LRRC9: variants seen among roughly 807,000 people sequenced by gnomAD.
LRRC9 encodes the protein leucine-rich repeat-containing protein 9.
Under a neutral mutation model 63.2 loss-of-function variants are expected in LRRC9, and 122 were observed. That is an observed-to-expected ratio of 1.93 (90% CI 1.67 to 2.24). LRRC9 has a LOEUF of 2.24. LRRC9 is among the 30% of genes most tolerant of loss of function. LRRC9 has a pLI of 0.00. For missense variants in LRRC9, 1,071 were observed against 627.7 expected (o/e 1.71, Z -7.55); for synonymous variants, 366 against 213.1 (o/e 1.72, Z -6.25).
chr14:60,002,844 A>G (rs964703360), intron 20 of LRRC9, among the ~76,000 whole-genome samples: 1 of 152,152 alleles, frequency 6.6e-6, no homozygotes, highest in Non-Finnish European at 1.5e-5. Flanking sequence ...TTCTGATAAC[A>G]TGTCAGAATA....
rs1199444543 is a variant in LRRC9, at chr14:60,060,556, C to T, written c.4276+2534C>T. 3.9e-5 allele frequency among the ~76,000 whole-genome samples: 6 copies of T among 151,908 alleles called. No homozygotes were observed. The highest frequency in any genetic ancestry group is 4.2e-4 in the South Asian group (2 of 4,814). On this transcript the variant is annotated intron_variant, in intron 31 of 31. Coordinates refer to ENST00000445360, the Ensembl canonical transcript of LRRC9. This position sits in a 1 kb window ranked among gnomAD's most constrained non-coding sequence, Gnocchi z 4.0. The stretch of plus-strand genomic sequence containing the variant: ...GAGATCGAGACCATCCTGGCTAACA[C>T]GGTGAAACCCCGTCTCTACTAAAAA...
rs143226149 is a variant in LRRC9 at position 60,048,791 on chromosome 14, G to A, written c.3991-4274G>A. Among the ~76,000 whole-genome samples the A allele has an allele frequency of 9.6e-3, 1,455 of 152,202 alleles. 27 individuals carry two copies. The highest frequency in any genetic ancestry group is 0.033 in the African/African-American group (1,374 of 41,500). On this transcript the variant is annotated intron_variant, in intron 29 of 31. Transcript: ENST00000445360. ...GTCTCCACCCTAACTCATTTTATGA[G>A]GCCAGCATCATTTTGATACCAAAAC...
intron 29 of LRRC9, among the ~76,000 whole-genome samples, chr14:60,048,246 A>G (rs1387962426): frequency 2.0e-5 from 3 of 152,200 alleles, no homozygotes; most frequent in Non-Finnish European, 4.4e-5. Flanking sequence ...ACCAAGAGCA[A>G]ACAGACACCA....
chr14:59,971,878 C>A (rs532701495), intron 12 of LRRC9, among the ~76,000 whole-genome samples: 78 of 152,210 alleles, frequency 5.1e-4, no homozygotes, highest in African/African-American at 1.8e-3. Context: ...CTTGGTCATG[C>A]CCTCTAGTTC....
At chr14:59,982,750 A>T (rs1460187401) in intron 16 of LRRC9, among the ~76,000 whole-genome samples, 2 of 152,208 alleles carry the variant, frequency 1.3e-5, no homozygotes, top group Non-Finnish European at 2.9e-5. Context: ...ATTTCATCCT[A>T]ACTCTTAATT....
At position 60,060,426 on chromosome 14, in the gene LRRC9, G is replaced by C. The variant is rs181553873; in HGVS notation, c.4276+2404G>C. Among the ~76,000 whole-genome samples the C allele has an allele frequency of 6.6e-6, 1 of 152,254 alleles. No homozygotes were observed. The highest frequency in any genetic ancestry group is 2.4e-5 in the African/African-American group (1 of 41,550). On this transcript the variant is annotated intron_variant, in intron 31 of 31. Coordinates refer to ENST00000445360, the Ensembl canonical transcript of LRRC9. The surrounding 1 kb of genome is among the most constrained non-coding windows in gnomAD (Gnocchi z 4.0). ...TATTATGATTTAAGAAATATATTTT[G>C]TAAGGCTCTAACTACCATAGACAGT...
chr14:60,047,802 G>GAT (rs1346574150), intron 29 of LRRC9, among the ~76,000 whole-genome samples: 3 of 152,146 alleles, frequency 2.0e-5, no homozygotes, highest in African/African-American at 7.2e-5. Context: ...GGATCTGATA[G>GAT]ATATCTACAG....
At chr14:60,018,136 G>A (rs1890839279) in intron 24 of LRRC9, among the ~76,000 whole-genome samples, 1 of 151,794 alleles carries the variant, frequency 6.6e-6, no homozygotes, top group Admixed American at 6.6e-5. Flanking sequence ...GGTAATAGAT[G>A]TGTTTTTTTT....
chr14:60,040,341 TC>T (rs1426798688), intron 29 of LRRC9, among the ~76,000 whole-genome samples: 1 of 152,062 alleles, frequency 6.6e-6, no homozygotes, highest in East Asian at 1.9e-4. Context: ...CGTTGATCTG[TC>T]TAATGTTGAC....
chr14:60,025,999 TAA>T (rs1022875967), intron 27 of LRRC9, among the ~76,000 whole-genome samples: 1 of 152,124 alleles, frequency 6.6e-6, no homozygotes, highest in African/African-American at 2.4e-5. Flanking sequence ...GTACTAAAGC[TAA>T]AGTCATTGGG....
intron 8 of LRRC9, among the ~76,000 whole-genome samples, chr14:59,956,924 A>T (rs1004912101): frequency 6.6e-5 from 10 of 152,150 alleles, no homozygotes; most frequent in Admixed American, 3.3e-4. Flanking sequence ...CTGAGTTGAA[A>T]ATTCTTTTCT....
chr14:60,053,874 G>C lies in LRRC9; in HGVS notation c.4131+669G>C, dbSNP rs924446956. On this transcript the variant is annotated intron_variant, in intron 30 of 31. Transcript: ENST00000445360. This position sits in a 1 kb window ranked among gnomAD's most constrained non-coding sequence, Gnocchi z 4.8. ...ACAGAAAATCTATGGTTTTTGAACA[G>C]AGAAGTAACATTATTAGAATGCTGT... 6 of 451,694 alleles carry C rather than the reference G, an allele frequency of 1.3e-5. No individual in the cohort carries two copies. Among genetic ancestry groups the C allele is most frequent in the Middle Eastern group, 3.3e-4 (1 of 3,062 alleles). 28.0% of individuals were successfully genotyped at this position (451,694 alleles called of 1,614,324 possible). A position where few individuals can be genotyped will look rare whatever the true frequency, so the allele number is the denominator to read the frequency against.
intron 29 of LRRC9, among the ~76,000 whole-genome samples, chr14:60,040,819 T>C (rs1892881963): frequency 6.6e-6 from 1 of 152,022 alleles, no homozygotes; most frequent in Non-Finnish European, 1.5e-5. Flanking sequence ...TAGCTGGTTA[T>C]TTTGCTCATC....
intron 12 of LRRC9, among the ~76,000 whole-genome samples, chr14:59,968,695 C>T (rs2140010812): frequency 6.6e-6 from 1 of 152,246 alleles, no homozygotes; most frequent in East Asian, 1.9e-4. Context: ...ACATTCGGTC[C>T]AGAGAACTAT....
chr14:60,025,381 C>T (rs949962779), intron 27 of LRRC9, among the ~76,000 whole-genome samples: 1 of 151,840 alleles, frequency 6.6e-6, no homozygotes, highest in African/African-American at 2.4e-5. Flanking sequence ...GGATTACAGG[C>T]GTGAGCCACC....
At chr14:59,992,655 G>A (rs1172313625) in intron 17 of LRRC9, among the ~76,000 whole-genome samples, 1 of 152,176 alleles carries the variant, frequency 6.6e-6, no homozygotes, top group Non-Finnish European at 1.5e-5. Context: ...AGAGCTACGT[G>A]ACAAATACAC....
At chr14:60,014,569 G>A (rs1029716808) in intron 23 of LRRC9, among the ~76,000 whole-genome samples, 12 of 152,118 alleles carry the variant, frequency 7.9e-5, no homozygotes, top group Middle Eastern at 6.8e-3. Flanking sequence ...TGAAAATGTC[G>A]TGCCACATTC....
Position 59,938,929 on chromosome 14 carries a change from A to G in LRRC9, c.726+357A>G, listed in dbSNP as rs1469006732. The stretch of plus-strand genomic sequence containing the variant: ...CATATATACACATATGCATATATAT[A>G]CACATATATACATATACATACATAT... On this transcript the variant is annotated intron_variant, in intron 7 of 31. Coordinates refer to ENST00000445360, the Ensembl canonical transcript of LRRC9. This position sits in a 1 kb window ranked among gnomAD's most constrained non-coding sequence, Gnocchi z 4.2. Among the ~76,000 whole-genome samples, 1 of 124,942 alleles carries G rather than the reference A, an allele frequency of 8.0e-6. No individual in the cohort carries two copies. The highest frequency in any genetic ancestry group is 3.2e-5 in the African/African-American group (1 of 31,652). The allele number at this position is 124,942 out of a possible 152,430, so 82.0% of individuals were successfully genotyped here.
At chr14:59,934,670 G>A (rs935720612) in intron 6 of LRRC9, among the ~76,000 whole-genome samples, 5 of 152,176 alleles carry the variant, frequency 3.3e-5, no homozygotes, top group African/African-American at 7.2e-5. Context: ...ACGCATGCAC[G>A]TGCACACATG....
Sources: allele counts gnomAD v4.1 joint callset (sites outside exome capture counted in the v4.1 genomes callset), GRCh38; gene constraint gnomAD v4.1.1; non-coding constraint Gnocchi (gnomAD v3.1); transcripts MANE v1.5; gene names NCBI Gene and HGNC (gene_info 2026-07-23, HGNC 2026-07-21).